The following EML1 variants were observed in gnomAD, a reference collection of about 807,000 sequenced individuals.
The protein encoded by EML1 is echinoderm microtubule-associated protein-like 1.
In EML1, 27 loss-of-function variants were observed where a neutral mutation model predicts 110.4. The observed-to-expected ratio is 0.24, with a 90% CI of 0.18 to 0.34. The LOEUF (loss-of-function observed/expected upper bound fraction) is 0.34. Among genes scored for constraint, EML1 ranks in the 10% least tolerant of loss-of-function variants. The pLI, the probability that EML1 is intolerant of heterozygous loss-of-function variation, is 1.00. For synonymous variants in EML1, 344 were observed against 385.8 expected (o/e 0.89, Z 1.27); for missense variants, 741 against 1,030.9 (o/e 0.72, Z 3.85).
At chr14:99,795,703 A>G (rs755384961) in intron 1 of EML1, among the ~76,000 whole-genome samples, 1 of 152,374 alleles carries the variant, frequency 6.6e-6, no homozygotes, top group African/African-American at 2.4e-5. Flanking sequence ...TGGATATTTC[A>G]TTAGCTACAT....
intron 3 of EML1, among the ~76,000 whole-genome samples, chr14:99,872,638 T>A (rs749770562): frequency 5.9e-5 from 9 of 152,200 alleles, no homozygotes; most frequent in Non-Finnish European, 1.2e-4. Flanking sequence ...GGATGGGACT[T>A]CCCTTCCATT....
intron 17 of EML1, 104 bp from the exon 18 acceptor site, chr14:99,935,925 C>T: frequency 1.9e-6 from 2 of 1,026,646 alleles, no homozygotes; most frequent in Non-Finnish European, 2.9e-6. Flanking sequence ...ATTCATTAAT[C>T]TGGTGATTTT....
At chr14:99,843,238 G>A (rs1439527464) in intron 1 of EML1, among the ~76,000 whole-genome samples, 6 of 152,160 alleles carry the variant, frequency 3.9e-5, no homozygotes, top group African/African-American at 1.4e-4. Flanking sequence ...GCAACAGAGT[G>A]AGACACTATT....
intron 17 of EML1, among the ~76,000 whole-genome samples, chr14:99,925,055 C>G (rs2140097423): frequency 6.6e-6 from 1 of 152,146 alleles, no homozygotes; most frequent in South Asian, 2.1e-4. Context: ...GCATCTTTGT[C>G]TGTCTCAGTT....
intron 4 of EML1, chr14:99,883,668 T>C (rs2059426659): frequency 6.6e-6 from 1 of 151,956 alleles, no homozygotes; most frequent in Non-Finnish European, 1.5e-5. Flanking sequence ...GCTGTATGAG[T>C]GTAGTGTATA....
chr14:99,741,190 A>G (rs1164566692), intron 1 of EML1, among the ~76,000 whole-genome samples: 1 of 152,164 alleles, frequency 6.6e-6, no homozygotes, highest in African/African-American at 2.4e-5. Context: ...TGCAGCAGGT[A>G]TGGTAAGGAC....
intron 1 of EML1, among the ~76,000 whole-genome samples, chr14:99,765,791 G>C (rs1006267922): frequency 2.3e-4 from 35 of 151,956 alleles, no homozygotes; most frequent in African/African-American, 8.2e-4. Context: ...TTTTAGTAGA[G>C]ACATGGTTTC....
At chr14:99,891,401 C>T (rs145818950) in intron 5 of EML1, among the ~76,000 whole-genome samples, 174 bp downstream of exon 5, 4 of 152,134 alleles carry the variant, frequency 2.6e-5, no homozygotes, top group African/African-American at 9.7e-5. Context: ...ATAGTGACAG[C>T]GAGACTGCCT....
At chr14:99,782,513 G>A (rs1219556254) in intron 1 of EML1, among the ~76,000 whole-genome samples, 1 of 152,184 alleles carries the variant, frequency 6.6e-6, no homozygotes, top group Non-Finnish European at 1.5e-5. Flanking sequence ...GCACAACAGG[G>A]CACTCAGTGT....
At chr14:99,879,610 T>G (rs1012238226) in intron 4 of EML1, among the ~76,000 whole-genome samples, 2 of 152,248 alleles carry the variant, frequency 1.3e-5, no homozygotes, top group African/African-American at 4.8e-5. Flanking sequence ...GTAGAAAACA[T>G]AGAGACACTT....
chr14:99,876,391 C>A (rs1326021467), intron 3 of EML1, among the ~76,000 whole-genome samples: 1 of 152,224 alleles, frequency 6.6e-6, no homozygotes, highest in African/African-American at 2.4e-5. Context: ...AGACTCCCCA[C>A]TTCCCAGGGC....
chr14:99,884,311 GA>G lies in EML1; in HGVS notation c.518+5696del, dbSNP rs201769621. Among the ~76,000 whole-genome samples the G allele has an allele frequency of 4.8e-3, 734 of 152,282 alleles. 19 individuals are homozygous for G. The highest frequency in any genetic ancestry group is 0.03 in the Admixed American group (460 of 15,306). On this transcript the variant is annotated intron_variant, in intron 4 of 21. Transcript: ENST00000262233. ...CCTGTTTCTGTCTTTATCCCAGCCTGAAAAGCGAGGAATCAGAAATTCTGAA... is the reference window on the plus strand; with the variant it reads ...CCTGTTTCTGTCTTTATCCCAGCCTGAAAGCGAGGAATCAGAAATTCTGAA...
intron 1 of EML1, among the ~76,000 whole-genome samples, chr14:99,818,273 G>A (rs769855988): frequency 4.6e-5 from 7 of 152,216 alleles, no homozygotes; most frequent in Non-Finnish European, 8.8e-5. Flanking sequence ...GGGATGCGGA[G>A]TGATGAGAGT....
In EML1 at chr14:99,939,256, A is replaced by G; in HGVS notation, c.2251A>G (p.Lys751Glu). The G allele has an allele frequency of 6.2e-7, 1 of 1,614,112 alleles. No homozygotes were observed. Among genetic ancestry groups the G allele is most frequent in the Non-Finnish European group, 8.5e-7 (1 of 1,180,026 alleles). Residue 751 changes from lysine to glutamate, a missense_variant, in exon 21 of 22, where the codon AAG becomes GAG. This residue lies in a region of EML1 where 114 missense variants were observed against 122.5 expected (regional missense o/e 0.93). Coordinates refer to ENST00000262233, the MANE Select transcript of EML1 (RefSeq NM_004434.3). This position sits in a 1 kb window ranked among gnomAD's most constrained non-coding sequence, Gnocchi z 4.2. The part of the protein sequence containing the change: ...DINAVCRAHE[K>E]KLLSTGDDFG... ...CAATGCCGTCTGTCGGGCCCATGAG[A>G]AGAAACTCCTGTCAACAGGCGACGA...
intron 1 of EML1, among the ~76,000 whole-genome samples, chr14:99,749,880 T>C (rs1338987890): frequency 1.3e-5 from 2 of 152,194 alleles, no homozygotes; most frequent in East Asian, 3.9e-4. Context: ...ATTTTTCTCA[T>C]GGGGAATTAT....
intron 5 of EML1, among the ~76,000 whole-genome samples, chr14:99,891,612 C>G (rs2059589095): frequency 6.6e-6 from 1 of 152,166 alleles, no homozygotes. Flanking sequence ...GGGAAAGTTT[C>G]TTATGCATCA....
intron 5 of EML1, among the ~76,000 whole-genome samples, chr14:99,893,096 G>T (rs750660011): frequency 3.3e-5 from 5 of 152,068 alleles, no homozygotes; most frequent in Admixed American, 6.5e-5. Context: ...ACAGGACAGG[G>T]TGTAGAGGGG....
At chr14:99,825,697 CT>C (rs2058340847) in intron 1 of EML1, among the ~76,000 whole-genome samples, 1 of 152,312 alleles carries the variant, frequency 6.6e-6, no homozygotes, top group Middle Eastern at 3.4e-3. Context: ...ACACTAAGCG[CT>C]TACTAGGAGT....
chr14:99,902,639 A>G (rs753959719), intron 9 of EML1, among the ~76,000 whole-genome samples: 16 of 152,252 alleles, frequency 1.1e-4, no homozygotes, highest in Non-Finnish European at 5.9e-5. Flanking sequence ...TATTTTTCAC[A>G]TAGGCTTTTT....
Sources: allele counts gnomAD v4.1 joint callset (sites outside exome capture counted in the v4.1 genomes callset), GRCh38; gene constraint gnomAD v4.1.1; regional missense constraint gnomAD v4.1.1; non-coding constraint Gnocchi (gnomAD v3.1); transcripts MANE v1.5; gene names NCBI Gene and HGNC (gene_info 2026-07-23, HGNC 2026-07-21).